HDLBP: variants seen among roughly 807,000 people sequenced by gnomAD.
HDLBP encodes the protein high density lipoprotein binding protein.
A neutral mutation model predicts 137.3 loss-of-function variants in HDLBP; 30 were observed. That is an observed-to-expected ratio of 0.22 (90% CI 0.16 to 0.30). The LOEUF (loss-of-function observed/expected upper bound fraction) is 0.30, where lower values mean the gene tolerates loss of function less well. HDLBP is among the 10% of genes least tolerant of loss of function. The pLI is 1.00. For missense variants in HDLBP, 1,119 were observed against 1,667.3 expected, an observed-to-expected ratio of 0.67 and a Z score of 5.73; for synonymous variants, 606 against 596.0, an observed-to-expected ratio of 1.02 and a Z score of -0.24.
chr2:241,297,557 T>C (rs6743226), intron 1 of HDLBP, among the ~76,000 whole-genome samples: 75,173 of 151,904 alleles, frequency 0.49, 19,915 homozygotes, highest in East Asian at 0.78. Context: ...CATACTCTGT[T>C]GACTGAGAGG....
chr2:241,305,886 G>A (rs1023966233), intron 1 of HDLBP, among the ~76,000 whole-genome samples: 1 of 148,350 alleles, frequency 6.7e-6, no homozygotes, highest in Non-Finnish European at 1.5e-5. Flanking sequence ...TCAGCCTCCC[G>A]AGTAGCTGGG....
At chr2:241,232,487 G>C (rs1293109420) in intron 24 of HDLBP, among the ~76,000 whole-genome samples, 1 of 152,134 alleles carries the variant, frequency 6.6e-6, no homozygotes, top group Non-Finnish European at 1.5e-5. Context: ...TGTTGGTCAG[G>C]TTGGCCTTGA....
At position 241,264,511 on chromosome 2, in the gene HDLBP, G is replaced by A; in HGVS notation, c.171C>T (p.Ala57=). 1 of 1,613,750 alleles carries A rather than the reference G, an allele frequency of 6.2e-7. No individual in the cohort carries two copies. The highest frequency in any genetic ancestry group is 1.1e-5 in the South Asian group (1 of 91,058). The change falls in exon 4 of 28, where the codon GCC becomes GCT. Residue 57 remains alanine, a synonymous_variant. Coordinates refer to ENST00000310931, the MANE Select transcript of HDLBP (RefSeq NM_005336.6). ...LPEKAACLES[A]QEPAGAWGNK... ...TCCCCCAGGCTCCAGCGGGTTCCTGGGCACTTTCCAGGCAAGCAGCTTTCT... is the reference window on the plus strand; with the variant it reads ...TCCCCCAGGCTCCAGCGGGTTCCTGAGCACTTTCCAGGCAAGCAGCTTTCT...
chr2:241,228,188 C>G lies in HDLBP; in HGVS notation c.*1413G>C, dbSNP rs1214571679. On this transcript the variant is annotated 3_prime_UTR_variant, in exon 28 of 28. Coordinates refer to ENST00000310931, the MANE Select transcript of HDLBP (RefSeq NM_005336.6). ...TGGGCGTGAGTCAGCTTTTCCAAAA[C>G]TCAAGTACCTGGGACAGGACAACTC... is the stretch of plus-strand genomic sequence containing the variant. The G allele has an allele frequency of 6.6e-6, 1 of 152,288 alleles. No homozygotes were observed. Among genetic ancestry groups the G allele is most frequent in the East Asian group, 1.9e-4 (1 of 5,200 alleles). The allele number at this position is 152,288 out of a possible 1,614,324, so 9.4% of individuals were successfully genotyped here.
chr2:241,251,618 G>A (rs1410762993), intron 11 of HDLBP, among the ~76,000 whole-genome samples: 1 of 152,230 alleles, frequency 6.6e-6, no homozygotes, highest in Non-Finnish European at 1.5e-5. Context: ...CGCGACGTGT[G>A]CACTTGTTTT....
intron 24 of HDLBP, among the ~76,000 whole-genome samples, chr2:241,232,404 T>C (rs2069874952): frequency 1.3e-5 from 2 of 151,736 alleles, no homozygotes; most frequent in South Asian, 4.2e-4. Context: ...GTCTCCCGAG[T>C]AGCTGGGATT....
At chr2:241,284,460 T>C (rs901384486) in intron 1 of HDLBP, among the ~76,000 whole-genome samples, 8 of 152,232 alleles carry the variant, frequency 5.3e-5, no homozygotes, top group African/African-American at 1.9e-4. Context: ...TTGCTTCTTA[T>C]GGATGAGCAG....
rs569995599 is a variant in HDLBP at position 241,230,830 on chromosome 2, C to G, written c.3403G>C (p.Asp1135His). 1 of 1,614,200 alleles carries G rather than the reference C, an allele frequency of 6.2e-7. No homozygotes were observed. The highest frequency in any genetic ancestry group is 1.3e-5 in the African/African-American group (1 of 75,046). The change falls in exon 25 of 28, where the codon GAC becomes CAC. Residue 1135 changes from aspartate to histidine, a missense_variant. Physicochemically the swap from Asp to His is moderately conservative, Grantham distance 81. Coordinates refer to ENST00000310931, the MANE Select transcript of HDLBP (RefSeq NM_005336.6). The surrounding 1 kb of genome is among the most constrained non-coding windows in gnomAD (Gnocchi z 5.0). ...ATGATGCGGGCGTGAACGCGGTGGT[C>G]CAGCGGGACGTCCTCAGAAACCATC... ...EQMVSEDVPL[D>H]HRVHARIIGA...
In HDLBP at chr2:241,230,997, CAG is replaced by C. The variant is rs768070602; in HGVS notation, c.3289-55_3289-54del. On this transcript the variant is annotated intron_variant, in intron 24 of 27. Coordinates refer to ENST00000310931, the MANE Select transcript of HDLBP (RefSeq NM_005336.6). The surrounding 1 kb of genome is among the most constrained non-coding windows in gnomAD (Gnocchi z 5.0). Reference sequence around the variant, plus strand: ...GGGGATGCCTTACTGGGATTCCCGTCAGGGGCAAGAGCCGGCCCCCACTGCTG... The same window carrying C: ...GGGGATGCCTTACTGGGATTCCCGTCGGGCAAGAGCCGGCCCCCACTGCTG... 6.6e-6 allele frequency: 10 copies of C among 1,525,022 alleles called. No homozygotes were observed. The highest frequency in any genetic ancestry group is 9.1e-6 in the Non-Finnish European group (10 of 1,103,502). 94.5% of individuals were successfully genotyped at this position (1,525,022 alleles called of 1,614,324 possible). A position where few individuals can be genotyped will look rare whatever the true frequency, so the allele number is the denominator to read the frequency against.
At position 241,229,363 on chromosome 2, in the gene HDLBP, C is replaced by CGAAT; in HGVS notation, c.*234_*237dup. 2.2e-6 allele frequency: 1 copy of CGAAT among 449,112 alleles called. No homozygotes were observed. The highest frequency in any genetic ancestry group is 2.0e-5 in the African/African-American group (1 of 49,946). 27.8% of individuals were successfully genotyped at this position (449,112 alleles called of 1,614,324 possible). A position where few individuals can be genotyped will look rare whatever the true frequency, so the allele number is the denominator to read the frequency against. On this transcript the variant is annotated 3_prime_UTR_variant, in exon 28 of 28. Coordinates refer to ENST00000310931, the MANE Select transcript of HDLBP (RefSeq NM_005336.6). ...GGAGCTGGAGTCTGTTATCTTAGCA[C>CGAAT]GAATGCTCATGACCTTGGTTTAGTG... is the stretch of plus-strand genomic sequence containing the variant.
At position 241,235,470 on chromosome 2, in the gene HDLBP, C is replaced by G. The variant is rs1323412438; in HGVS notation, c.3009+20G>C. On this transcript the variant is annotated intron_variant, in intron 22 of 27. Coordinates refer to ENST00000310931, the MANE Select transcript of HDLBP (RefSeq NM_005336.6). ...CGACAGGCCACTCCTGTGACATGGC[C>G]TCCCGGGAAAGGGGTCTACCTCAAA... The G allele has an allele frequency of 1.3e-6, 2 of 1,593,962 alleles. No homozygotes were observed. Among genetic ancestry groups the G allele is most frequent in the Admixed American group, 3.3e-5 (2 of 59,882 alleles).
rs1013287744 is a variant in HDLBP, at chr2:241,239,458, C to T, written c.2610+144G>A. On this transcript the variant is annotated intron_variant, in intron 19 of 27. Transcript: ENST00000310931. This position sits in a 1 kb window ranked among gnomAD's most constrained non-coding sequence, Gnocchi z 4.6. ...GCCAGACAGGCTGAGGAAAGAAGAGCGAGCACCAGAAAGCCCCTTCTGAAG... is the reference window on the plus strand; with the variant it reads ...GCCAGACAGGCTGAGGAAAGAAGAGTGAGCACCAGAAAGCCCCTTCTGAAG... 21 of 633,362 alleles carry T rather than the reference C, an allele frequency of 3.3e-5. No homozygotes were observed. The highest frequency in any genetic ancestry group is 1.7e-4 in the African/African-American group (9 of 54,536). 39.2% of individuals were successfully genotyped at this position (633,362 alleles called of 1,614,324 possible).
At chr2:241,271,471 C>T (rs545892871) in intron 1 of HDLBP, among the ~76,000 whole-genome samples, 20 of 152,266 alleles carry the variant, frequency 1.3e-4, no homozygotes, top group African/African-American at 4.6e-4. Context: ...AAACCTGGTG[C>T]TTACAAGTTT....
rs756450726 is a variant in HDLBP at position 241,256,797 on chromosome 2, T to A, written c.460A>T (p.Thr154Ser). The A allele has an allele frequency of 2.7e-5, 44 of 1,613,244 alleles. No individual in the cohort carries two copies. The South Asian group carries it at 4.6e-4, about 17-fold the overall frequency. ...VARLQTQASA[T>S]VAIPKEHHRF... The stretch of plus-strand genomic sequence containing the variant: ...TGGTGTTCTTTGGGAATGGCAACAG[T>A]TGCTGAGGCCTATAGCAAGAAGAGA... The change falls in exon 6 of 28, where the codon ACT (threonine) becomes TCT (serine). Residue 154 changes from threonine to serine, a missense_variant. Physicochemically the swap from Thr to Ser is moderately conservative, Grantham distance 58. Around this residue, in one of 4 missense-constraint regions of HDLBP, gnomAD observed 425 missense variants for 693.9 expected, o/e 0.61. Transcript: ENST00000310931.
rs926178207 is a variant in HDLBP at position 241,233,129 on chromosome 2, C to G, written c.3288+691G>C. On this transcript the variant is annotated intron_variant, in intron 24 of 27. Transcript: ENST00000310931. The surrounding 1 kb of genome is among the most constrained non-coding windows in gnomAD (Gnocchi z 4.3). ...TGTGGCCACCAAGGCTTGCTAGTCT[C>G]CCACTGTGGGCAAAGCTGTGCTGGA... Among the ~76,000 whole-genome samples the G allele has an allele frequency of 1.3e-5, 2 of 152,190 alleles. No homozygotes were observed. Among genetic ancestry groups the G allele is most frequent in the African/African-American group, 4.8e-5 (2 of 41,448 alleles).
At chr2:241,260,198 G>A (rs1182998972) in intron 5 of HDLBP, among the ~76,000 whole-genome samples, 1 of 151,984 alleles carries the variant, frequency 6.6e-6, no homozygotes, top group Non-Finnish European at 1.5e-5. Flanking sequence ...TAGAGATGGG[G>A]TTTCGCCATA....
intron 9 of HDLBP, among the ~76,000 whole-genome samples, chr2:241,254,416 C>T (rs2072451261): frequency 6.6e-6 from 1 of 151,798 alleles, no homozygotes; most frequent in Admixed American, 6.6e-5. Flanking sequence ...CTACAATCTC[C>T]TTTGGTAAAC....
intron 8 of HDLBP, 87 bp downstream of exon 8, chr2:241,255,287 C>G: frequency 6.9e-7 from 1 of 1,438,984 alleles, no homozygotes; most frequent in Non-Finnish European, 9.8e-7. Context: ...GTGTCCAGGC[C>G]CCAGGATTTA....
chr2:241,298,081 AAG>A lies in HDLBP; in HGVS notation c.-103+17487_-103+17488del, dbSNP rs1439569846. Among the ~76,000 whole-genome samples, 56 of 60,274 alleles carry A rather than the reference AAG, an allele frequency of 9.3e-4. 8 individuals carry two copies. The highest frequency in any genetic ancestry group is 1.8e-3 in the African/African-American group (38 of 21,642). The allele number at this position is 60,274 out of a possible 152,430, so 39.5% of individuals were successfully genotyped here. Reference sequence around the variant, plus strand: ...AAAAAAAAAAAAAAAAAAAAAAAAAAAGGGCCAGGCATGGTGGCTCATGCCTG... The same window carrying A: ...AAAAAAAAAAAAAAAAAAAAAAAAAAGGCCAGGCATGGTGGCTCATGCCTG... On this transcript the variant is annotated intron_variant, in intron 1 of 27. Transcript: ENST00000310931.
Sources: allele counts gnomAD v4.1 joint callset (sites outside exome capture counted in the v4.1 genomes callset), GRCh38; gene constraint gnomAD v4.1.1; regional missense constraint gnomAD v4.1.1; non-coding constraint Gnocchi (gnomAD v3.1); transcripts MANE v1.5; gene names NCBI Gene and HGNC (gene_info 2026-07-23, HGNC 2026-07-21).